Variants in GABRG3 observed in about 807,000 individuals in gnomAD.
GABRG3 encodes the protein gamma-aminobutyric acid type A receptor subunit gamma3, also known as gamma-aminobutyric acid receptor subunit gamma-3.
GABRG3 carries 25 observed loss-of-function variants against 48.8 expected under a neutral mutation model. That is an observed-to-expected ratio of 0.51 (90% CI 0.37 to 0.72). GABRG3 has a LOEUF of 0.72. GABRG3 is among the 30% of genes least tolerant of loss of function. The pLI, the probability that GABRG3 is intolerant of heterozygous loss-of-function variation, is 0.00. For synonymous variants in GABRG3, 227 were observed against 217.6 expected, an observed-to-expected ratio of 1.04 and a Z score of -0.38; for missense variants, 394 against 577.9, an observed-to-expected ratio of 0.68 and a Z score of 3.26.
chr15:26,997,456 GATA>G (rs937561876), intron 2 of GABRG3, among the ~76,000 whole-genome samples: 2 of 152,072 alleles, frequency 1.3e-5, no homozygotes, highest in Admixed American at 1.3e-4. Flanking sequence ...AACAACTCTA[GATA>G]ATAATTCCCC....
At position 27,166,233 on chromosome 15, in the gene GABRG3, A is replaced by G. The variant is rs116591425; in HGVS notation, c.270+139412A>G. On this transcript the variant is annotated intron_variant, in intron 3 of 9. Coordinates refer to ENST00000615808, the MANE Select transcript of GABRG3 (RefSeq NM_033223.5). ...AATATTCAGATAATATTCAGAAATA[A>G]CAGAGGGGAAAAGTACAAAAAGAAG... Among the ~76,000 whole-genome samples, 1,037 of 152,304 alleles carry G rather than the reference A, an allele frequency of 6.8e-3. 21 individuals are homozygous for G. The highest frequency in any genetic ancestry group is 0.024 in the African/African-American group (999 of 41,554).
intron 2 of GABRG3, among the ~76,000 whole-genome samples, chr15:26,994,782 A>G (rs914059660): frequency 2.0e-5 from 3 of 151,874 alleles, no homozygotes; most frequent in Non-Finnish European, 4.4e-5. Context: ...TCTGTTATTG[A>G]TTTCTAATAT....
chr15:27,239,596 A>G (rs1170441800), intron 3 of GABRG3, among the ~76,000 whole-genome samples: 4 of 152,242 alleles, frequency 2.6e-5, no homozygotes, highest in Admixed American at 6.5e-5. Context: ...TATGAAATTT[A>G]GAGCATTGGT....
chr15:27,216,103 G>T (rs886396621), intron 3 of GABRG3, among the ~76,000 whole-genome samples: 2 of 152,162 alleles, frequency 1.3e-5, no homozygotes, highest in African/African-American at 4.8e-5. Context: ...CATTTGCTCA[G>T]TTGCAGCATG....
intron 3 of GABRG3, among the ~76,000 whole-genome samples, chr15:27,083,197 T>C (rs1329153967): frequency 7.9e-5 from 12 of 152,200 alleles, no homozygotes; most frequent in Admixed American, 7.9e-4. Context: ...AAATGATACT[T>C]GCAGACAAGC....
intron 3 of GABRG3, among the ~76,000 whole-genome samples, chr15:27,054,805 A>C (rs1236189691): frequency 6.6e-6 from 1 of 152,120 alleles, no homozygotes; most frequent in African/African-American, 2.4e-5. Context: ...GCTGCTGTGC[A>C]CCACACTGAA....
At chr15:27,431,702 T>A (rs1888459098) in intron 5 of GABRG3, among the ~76,000 whole-genome samples, 1 of 152,214 alleles carries the variant, frequency 6.6e-6, no homozygotes, top group African/African-American at 2.4e-5. Context: ...ATTCCATATC[T>A]CCTGACTGCT....
At chr15:27,285,310 T>C (rs1891575232) in intron 3 of GABRG3, among the ~76,000 whole-genome samples, 1 of 148,536 alleles carries the variant, frequency 6.7e-6, no homozygotes, top group African/African-American at 2.5e-5. Context: ...TGTTTTCTTC[T>C]TTGCCCAAAA....
chr15:27,502,264 T>A (rs184504091), intron 6 of GABRG3, among the ~76,000 whole-genome samples: 23 of 152,358 alleles, frequency 1.5e-4, no homozygotes, highest in Admixed American at 2.6e-4. Flanking sequence ...ATATTTTGAT[T>A]TATTGTTTGA....
chr15:27,506,453 A>T (rs1389384964), intron 6 of GABRG3, among the ~76,000 whole-genome samples: 1 of 152,144 alleles, frequency 6.6e-6, no homozygotes, highest in African/African-American at 2.4e-5. Flanking sequence ...GGAAAGGGGG[A>T]GCTGAGTGCA....
At chr15:27,016,322 C>T (rs1222986119) in intron 2 of GABRG3, among the ~76,000 whole-genome samples, 1 of 149,012 alleles carries the variant, frequency 6.7e-6, no homozygotes, top group Non-Finnish European at 1.5e-5. Context: ...TTTACTTTAT[C>T]TGAGAATGTC....
At chr15:27,338,752 C>T (rs953460079) in intron 5 of GABRG3, among the ~76,000 whole-genome samples, 6 of 152,162 alleles carry the variant, frequency 3.9e-5, no homozygotes, top group Admixed American at 2.6e-4. Flanking sequence ...ATTGACTGGC[C>T]GTGCAGAGGT....
chr15:27,366,822 C>T (rs1458100825), intron 5 of GABRG3, among the ~76,000 whole-genome samples: 1 of 152,158 alleles, frequency 6.6e-6, no homozygotes, highest in Non-Finnish European at 1.5e-5. Flanking sequence ...GCCCATGTGC[C>T]CGTGTCCCCC....
chr15:27,289,683 A>G (rs1488991146), intron 3 of GABRG3, among the ~76,000 whole-genome samples: 2 of 152,198 alleles, frequency 1.3e-5, no homozygotes, highest in Non-Finnish European at 2.9e-5. Flanking sequence ...GAATGAATGG[A>G]AGATGGTGGG....
chr15:27,375,356 A>G (rs1283595765), intron 5 of GABRG3, among the ~76,000 whole-genome samples: 1 of 152,164 alleles, frequency 6.6e-6, no homozygotes, highest in Non-Finnish European at 1.5e-5. Flanking sequence ...GAGCAGGGGA[A>G]GGTCAGAGAG....
chr15:27,390,291 C>T (rs1896181070), intron 5 of GABRG3, among the ~76,000 whole-genome samples: 1 of 152,190 alleles, frequency 6.6e-6, no homozygotes, highest in Non-Finnish European at 1.5e-5. Flanking sequence ...TTAAATTTGA[C>T]TTCACCAGAA....
intron 3 of GABRG3, among the ~76,000 whole-genome samples, chr15:27,061,446 CTTT>C (rs35770540): frequency 1.4e-5 from 2 of 142,650 alleles, no homozygotes; most frequent in African/African-American, 2.6e-5. Context: ...GGTAACTGCT[CTTT>C]TTTTTTTTTT....
chr15:27,485,473 G>C (rs977474394), intron 6 of GABRG3, among the ~76,000 whole-genome samples: 2 of 152,108 alleles, frequency 1.3e-5, no homozygotes, highest in Non-Finnish European at 2.9e-5. Flanking sequence ...GGGGCGTCAC[G>C]GTGAGCATGC....
At chr15:27,380,717 C>T (rs1031802199) in intron 5 of GABRG3, among the ~76,000 whole-genome samples, 33 of 150,174 alleles carry the variant, frequency 2.2e-4, no homozygotes, top group African/African-American at 7.6e-4. Flanking sequence ...TGTTGTTTTA[C>T]AGGATGTGGT....
Sources: gnomAD v4.1 joint callset for allele counts (sites outside exome capture counted in the v4.1 genomes callset) on GRCh38, gnomAD v4.1.1 for gene constraint, MANE v1.5 for transcripts, NCBI Gene and HGNC (gene_info 2026-07-23, HGNC 2026-07-21) for gene names.